SND1: variants seen among roughly 807,000 people sequenced by gnomAD.
SND1 encodes staphylococcal nuclease domain-containing protein 1.
Under a neutral mutation model 121.7 loss-of-function variants are expected in SND1, and 38 were observed. The observed-to-expected ratio is 0.31, with a 90% CI of 0.24 to 0.41. The LOEUF (loss-of-function observed/expected upper bound fraction) is 0.41, where lower values mean the gene tolerates loss of function less well. Ranked by LOEUF, SND1 falls within the 10% of genes least tolerant of loss-of-function variation. The pLI is 1.00. For missense variants in SND1, 868 were observed against 1,184.6 expected (o/e 0.73, Z 3.92); for synonymous variants, 401 against 447.4 (o/e 0.90, Z 1.31).
intron 11 of SND1, among the ~76,000 whole-genome samples, chr7:127,841,334 T>C (rs1798961462): frequency 1.3e-5 from 2 of 152,080 alleles, no homozygotes; most frequent in Admixed American, 6.5e-5. Flanking sequence ...GCTTGTTAGA[T>C]GGATTGGGTG....
intron 13 of SND1, among the ~76,000 whole-genome samples, chr7:127,891,474 C>T (rs897647406): frequency 3.3e-5 from 5 of 152,054 alleles, no homozygotes; most frequent in Non-Finnish European, 5.9e-5. Context: ...CACGTTACAG[C>T]GTGTCAGAGC....
intron 22 of SND1, among the ~76,000 whole-genome samples, chr7:128,091,135 T>C (rs1033153363): frequency 9.9e-5 from 15 of 152,118 alleles, no homozygotes; most frequent in Non-Finnish European, 1.6e-4. Context: ...GTAAATTAAA[T>C]AGGATATTAG....
At chr7:127,918,230 T>G (rs1800628020) in intron 14 of SND1, among the ~76,000 whole-genome samples, 1 of 151,750 alleles carries the variant, frequency 6.6e-6, no homozygotes, top group African/African-American at 2.4e-5. Context: ...GGCTAATTTT[T>G]GTATTTTTTT....
At chr7:128,084,156 C>G (rs977471331) in intron 18 of SND1, among the ~76,000 whole-genome samples, 1 of 152,222 alleles carries the variant, frequency 6.6e-6, no homozygotes, top group African/African-American at 2.4e-5. Context: ...AGGCCCTGAT[C>G]CAAGAATTCC....
intron 12 of SND1, among the ~76,000 whole-genome samples, chr7:127,872,500 T>C (rs1799610438): frequency 6.6e-6 from 1 of 152,198 alleles, no homozygotes. Context: ...TGTTTGGCCA[T>C]ATACATTTGT....
chr7:128,020,014 T>C (rs1279121230), intron 16 of SND1, among the ~76,000 whole-genome samples: 2 of 152,220 alleles, frequency 1.3e-5, no homozygotes, highest in African/African-American at 4.8e-5. Flanking sequence ...ATGATTTAGC[T>C]TTCTGCAAGC....
chr7:127,797,226 A>G (rs1437054053), intron 10 of SND1, among the ~76,000 whole-genome samples: 2 of 152,148 alleles, frequency 1.3e-5, no homozygotes, highest in South Asian at 2.1e-4. Flanking sequence ...AACCGAGGCA[A>G]GCCACCAAGT....
chr7:127,815,728 A>G (rs2116593317), intron 11 of SND1, among the ~76,000 whole-genome samples: 1 of 152,158 alleles, frequency 6.6e-6, no homozygotes, highest in Middle Eastern at 3.4e-3. Flanking sequence ...TTGATTTTCA[A>G]CTTGGAGCTT....
intron 12 of SND1, among the ~76,000 whole-genome samples, chr7:127,847,185 T>C (rs553017128): frequency 3.9e-5 from 6 of 152,228 alleles, no homozygotes; most frequent in African/African-American, 1.2e-4. Flanking sequence ...GGCATGAGAA[T>C]TGCTTGAACC....
chr7:127,710,640 A>G (rs1237763010), intron 9 of SND1, among the ~76,000 whole-genome samples: 2 of 152,188 alleles, frequency 1.3e-5, no homozygotes, highest in Non-Finnish European at 2.9e-5. Context: ...TAGGCTTACT[A>G]AAGAATGTAC....
intron 15 of SND1, among the ~76,000 whole-genome samples, chr7:127,984,444 G>A (rs1258071255): frequency 6.6e-6 from 1 of 152,152 alleles, no homozygotes; most frequent in Non-Finnish European, 1.5e-5. Context: ...CCCTTTCCTG[G>A]TATTTGCATA....
At chr7:128,071,239 A>T (rs571533370) in intron 16 of SND1, among the ~76,000 whole-genome samples, 6 of 152,246 alleles carry the variant, frequency 3.9e-5, no homozygotes, top group Non-Finnish European at 8.8e-5. Context: ...AGCCAGCAAC[A>T]CATATTAGAC....
chr7:127,977,243 T>TA (rs1802142525), intron 15 of SND1, among the ~76,000 whole-genome samples: 1 of 152,194 alleles, frequency 6.6e-6, no homozygotes, highest in Non-Finnish European at 1.5e-5. Flanking sequence ...CACTTCATCT[T>TA]ATGTAGGTTT....
chr7:127,694,159 C>T lies in SND1; in HGVS notation c.229-669C>T, dbSNP rs982217311. On this transcript the variant is annotated intron_variant, in intron 2 of 23. Transcript: ENST00000354725. ...GACTAGAGCAGAAGTAGAAGAAGAG[C>T]CATTTTGGGGGATATCTTCTTACTA... Among the ~76,000 whole-genome samples, 3 of 152,098 alleles carry T rather than the reference C, an allele frequency of 2.0e-5. No individual in the cohort carries two copies. In the East Asian group the frequency reaches 5.8e-4, roughly 29 times the overall value.
At chr7:127,746,269 G>A (rs115537130) in intron 10 of SND1, among the ~76,000 whole-genome samples, 202 of 152,310 alleles carry the variant, frequency 1.3e-3, no homozygotes, top group African/African-American at 4.6e-3. Flanking sequence ...TTAAAAAATA[G>A]ATAGCTTTGA....
intron 12 of SND1, among the ~76,000 whole-genome samples, chr7:127,870,511 G>A (rs951443225): frequency 9.9e-5 from 15 of 152,194 alleles, no homozygotes; most frequent in African/African-American, 3.1e-4. Flanking sequence ...CACAGAGGCT[G>A]TATGGTATAG....
rs146543205 is a variant in SND1, at chr7:128,080,276, C to G, written c.1969-1084C>G. Among the ~76,000 whole-genome samples, 8 of 152,388 alleles carry G rather than the reference C, an allele frequency of 5.2e-5. No homozygotes were observed. In the East Asian group the frequency reaches 1.5e-3, roughly 29 times the overall value. On this transcript the variant is annotated intron_variant, in intron 17 of 23. Transcript: ENST00000354725. ...CTCCCTCCCCTGCTCTGACAGACCT[C>G]ACCATTTGGATAATCTCCTGGCTGC...
rs569062893 is a variant in SND1 at position 127,785,252 on chromosome 7, C to A, written c.1153-22232C>A. Among the ~76,000 whole-genome samples, 9 of 152,240 alleles carry A rather than the reference C, an allele frequency of 5.9e-5. No homozygotes were observed. The South Asian group carries it at 1.9e-3, about 32-fold the overall frequency. On this transcript the variant is annotated intron_variant, in intron 10 of 23. Coordinates refer to ENST00000354725, the MANE Select transcript of SND1 (RefSeq NM_014390.4). ...ACCAGTGGAAGGAAGGAAGGGAAGT[C>A]AAAGTAGAAATTAATTGGAAGATGA...
chr7:127,911,690 C>T (rs1156979559), intron 14 of SND1, among the ~76,000 whole-genome samples: 8 of 152,018 alleles, frequency 5.3e-5, no homozygotes, highest in African/African-American at 1.5e-4. Context: ...TTAGTAGAGA[C>T]GGGGTTTCAC....
Sources: allele counts gnomAD v4.1 joint callset (sites outside exome capture counted in the v4.1 genomes callset), GRCh38; gene constraint gnomAD v4.1.1; transcripts MANE v1.5; gene names NCBI Gene and HGNC (gene_info 2026-07-23, HGNC 2026-07-21).